NHSL1: variants seen among roughly 807,000 people sequenced by gnomAD.
The protein encoded by NHSL1 is NHS-like protein 1.
A neutral mutation model predicts 95.0 loss-of-function variants in NHSL1; 48 were observed. The observed-to-expected ratio is 0.51, with a 90% CI of 0.40 to 0.64. NHSL1 has a LOEUF of 0.64. Among genes scored for constraint, NHSL1 ranks in the 30% least tolerant of loss-of-function variants. The pLI, the probability that NHSL1 is intolerant of heterozygous loss-of-function variation, is 0.00. For missense variants in NHSL1, 1,971 were observed against 2,077.7 expected (o/e 0.95, Z 1.00); for synonymous variants, 783 against 833.9 (o/e 0.94, Z 1.05).
intron 1 of NHSL1, among the ~76,000 whole-genome samples, chr6:138,592,327 G>A (rs1423882997): frequency 1.3e-5 from 2 of 152,132 alleles, no homozygotes; most frequent in Non-Finnish European, 2.9e-5. Flanking sequence ...GGCCAGGCAC[G>A]GTAGCTCACA....
At chr6:138,483,778 G>T (rs1779562155) in intron 2 of NHSL1, among the ~76,000 whole-genome samples, 1 of 152,158 alleles carries the variant, frequency 6.6e-6, no homozygotes, top group Non-Finnish European at 1.5e-5. Context: ...TGGTTTCTAA[G>T]CCCTACATGA....
At chr6:138,651,403 TTCA>T (rs1785091429) in intron 1 of NHSL1, among the ~76,000 whole-genome samples, 1 of 152,242 alleles carries the variant, frequency 6.6e-6, no homozygotes, top group Admixed American at 6.5e-5. Context: ...GCAAGCTTCT[TTCA>T]TCAAGCCAAT....
chr6:138,432,748 C>T lies in NHSL1; in HGVS notation c.1597G>A (p.Val533Met), dbSNP rs565091445. ...NLAFPAHPQD[V>M]DGKSESSYSG... The stretch of plus-strand genomic sequence containing the variant: ...TAACTAGATTCACTCTTGCCATCCA[C>T]ATCTTGGGGGTGGGCTGGGAAGGCC... Residue 533 changes from valine (V) to methionine (M), a missense_variant, in exon 6 of 8, where the codon GTG becomes ATG. This residue lies in a region of NHSL1 where 1,602 missense variants were observed against 1,654.5 expected (regional missense o/e 0.97). Coordinates refer to ENST00000343505, the MANE Select transcript of NHSL1 (RefSeq NM_001144060.2). The surrounding 1 kb of genome is among the most constrained non-coding windows in gnomAD (Gnocchi z 4.4). 79 of 1,551,662 alleles carry T rather than the reference C, an allele frequency of 5.1e-5. No individual in the cohort carries two copies. The South Asian group carries it at 9.2e-4, about 18-fold the overall frequency.
Position 138,431,102 on chromosome 6 carries a change from C to T in NHSL1, c.3243G>A (p.Val1081=). ...EALQMVQLRP[V]RKNSGAEAAQ... The stretch of plus-strand genomic sequence containing the variant: ...CCGCCTCAGCGCCTGAGTTCTTTCT[C>T]ACGGGCCTCAACTGCACCATCTGCA... Residue 1081 remains valine, a synonymous_variant, in exon 6 of 8, where the codon GTG becomes GTA. Transcript: ENST00000343505. The surrounding 1 kb of genome is among the most constrained non-coding windows in gnomAD (Gnocchi z 4.0). 6.4e-7 allele frequency: 1 copy of T among 1,551,858 alleles called. No individual in the cohort carries two copies. The highest frequency in any genetic ancestry group is 1.2e-5 in the South Asian group (1 of 84,060).
intron 1 of NHSL1, among the ~76,000 whole-genome samples, chr6:138,510,363 A>G (rs9495102): frequency 0.049 from 7,413 of 152,322 alleles, 480 homozygotes; most frequent in African/African-American, 0.15. Context: ...ATGAACGAAC[A>G]GCAAGACCTA....
intron 1 of NHSL1, among the ~76,000 whole-genome samples, chr6:138,690,930 G>A (rs1785658182): frequency 6.6e-6 from 1 of 152,152 alleles, no homozygotes. Context: ...AGTAAAGGAA[G>A]GAGTTCTTGA....
intron 1 of NHSL1, among the ~76,000 whole-genome samples, chr6:138,582,194 G>T (rs187127916): frequency 1.3e-5 from 2 of 152,104 alleles, no homozygotes; most frequent in Admixed American, 1.3e-4. Context: ...ACTGTGCCTG[G>T]CCCAAAGTGG....
chr6:138,596,004 C>T (rs1784298553), intron 1 of NHSL1, among the ~76,000 whole-genome samples: 2 of 152,120 alleles, frequency 1.3e-5, no homozygotes, highest in Non-Finnish European at 2.9e-5. Context: ...GAAAAAAAGG[C>T]CATAAACCCT....
At chr6:138,638,727 G>A (rs951597934) in intron 1 of NHSL1, among the ~76,000 whole-genome samples, 3 of 152,162 alleles carry the variant, frequency 2.0e-5, no homozygotes, top group East Asian at 1.9e-4. Flanking sequence ...CAGAAAGCCC[G>A]CATAGGAGCT....
rs1775135660 is a variant in NHSL1 at position 138,424,633 on chromosome 6, C to G, written c.4269G>C (p.Leu1423=). The change falls in exon 8 of 8, where the codon CTG becomes CTC. Residue 1423 remains leucine (L), a synonymous_variant. Transcript: ENST00000343505. The surrounding 1 kb of genome is among the most constrained non-coding windows in gnomAD (Gnocchi z 5.9). ...STSSDNFKAL[L]LKKGSRSDTS... is the part of the protein sequence containing the mutation. Reference sequence around the variant, plus strand: ...TGTCTGAACGACTGCCCTTTTTCAGCAGCAGAGCTTTGAAGTTGTCACTGC... The same window carrying G: ...TGTCTGAACGACTGCCCTTTTTCAGGAGCAGAGCTTTGAAGTTGTCACTGC... The G allele has an allele frequency of 6.4e-7, 1 of 1,551,618 alleles. No homozygotes were observed. The highest frequency in any genetic ancestry group is 8.7e-7 in the Non-Finnish European group (1 of 1,146,988).
chr6:138,424,169 T>G lies in NHSL1; in HGVS notation c.4733A>C (p.Gln1578Pro). ...TGTCCCATCCACAGGGCCGGGGGCC[T>G]GGGGCTGCAGGGAGGCGGCAGGCCC... ...GEGPAASLQP[Q>P]APGPVDGTAS... The change falls in exon 8 of 8, where the codon CAG (glutamine) becomes CCG (proline). Residue 1578 changes from glutamine (Q) to proline (P), a missense_variant. Transcript: ENST00000343505. This position sits in a 1 kb window ranked among gnomAD's most constrained non-coding sequence, Gnocchi z 5.9. 2 of 1,460,028 alleles carry G rather than the reference T, an allele frequency of 1.4e-6. No individual in the cohort carries two copies. Among genetic ancestry groups the G allele is most frequent in the Non-Finnish European group, 1.8e-6 (2 of 1,110,042 alleles). The allele number at this position is 1,460,028 out of a possible 1,614,324, so 90.4% of individuals were successfully genotyped here.
intron 1 of NHSL1, among the ~76,000 whole-genome samples, chr6:138,505,897 T>C (rs1430416521): frequency 6.6e-6 from 1 of 152,168 alleles, no homozygotes; most frequent in Non-Finnish European, 1.5e-5. Context: ...TTTAGGGTGT[T>C]TTTAAAAATC....
intron 2 of NHSL1, among the ~76,000 whole-genome samples, chr6:138,488,878 T>C (rs1442661126): frequency 6.6e-6 from 1 of 152,182 alleles, no homozygotes; most frequent in Non-Finnish European, 1.5e-5. Flanking sequence ...CCAGGAACCC[T>C]TAACTTCTCT....
Position 138,473,404 on chromosome 6 carries a change from G to A in NHSL1, c.241C>T (p.Arg81Cys), listed in dbSNP as rs933625834. ...CCCTGAGAGTAGTACTGAGAACTGC[G>A]GTAGCCATCATGCCGCAACTTATCG... ...ECDKLRHDGY[R>C]SSQYYSQGPT... Residue 81 changes from arginine (R) to cysteine (C), a missense_variant, in exon 3 of 8, where the codon CGC becomes TGC. Physicochemically the swap from Arg to Cys is radical, Grantham distance 180. Around this residue, in one of 3 missense-constraint regions of NHSL1, gnomAD observed 1,602 missense variants for 1,654.5 expected, o/e 0.97. Transcript: ENST00000343505. 17 of 1,524,452 alleles carry A rather than the reference G, an allele frequency of 1.1e-5. No individual in the cohort carries two copies. The highest frequency in any genetic ancestry group is 1.5e-5 in the Non-Finnish European group (17 of 1,133,952). 94.4% of individuals were successfully genotyped at this position (1,524,452 alleles called of 1,614,324 possible). A position where few individuals can be genotyped will look rare whatever the true frequency, so the allele number is the denominator to read the frequency against.
At position 138,430,267 on chromosome 6, in the gene NHSL1, T is replaced by G; in HGVS notation, c.3952+126A>C. Reference sequence around the variant, plus strand: ...GTTTTAACACAGGAAGCCTACATACTGCTAGCTTTAACAGGAATCTGATCT... The same window carrying G: ...GTTTTAACACAGGAAGCCTACATACGGCTAGCTTTAACAGGAATCTGATCT... On this transcript the variant is annotated intron_variant, in intron 6 of 7. Coordinates refer to ENST00000343505, the MANE Select transcript of NHSL1 (RefSeq NM_001144060.2). This position sits in a 1 kb window ranked among gnomAD's most constrained non-coding sequence, Gnocchi z 4.7. 7.6e-7 allele frequency: 1 copy of G among 1,311,836 alleles called. No individual in the cohort carries two copies. The allele number at this position is 1,311,836 out of a possible 1,614,324, so 81.3% of individuals were successfully genotyped here.
At chr6:138,672,689 A>G (rs1389970719) in intron 1 of NHSL1, among the ~76,000 whole-genome samples, 1 of 152,220 alleles carries the variant, frequency 6.6e-6, no homozygotes, top group Non-Finnish European at 1.5e-5. Flanking sequence ...TATGTCTCCT[A>G]AAACATGAGA....
intron 1 of NHSL1, among the ~76,000 whole-genome samples, chr6:138,505,611 C>T (rs947018807): frequency 6.3e-5 from 9 of 142,432 alleles, no homozygotes; most frequent in Non-Finnish European, 1.2e-4. Context: ...GCTGAGATTG[C>T]GCCACTGCAC....
At chr6:138,692,944 CGCGGGCGA>C (rs947146050), upstream of NHSL1, among the ~76,000 whole-genome samples, 1 of 144,210 alleles carries the variant, frequency 6.9e-6, no homozygotes, top group Non-Finnish European at 1.5e-5. The surrounding 1 kb of genome is among the most constrained non-coding windows in gnomAD (Gnocchi z 4.0). Flanking sequence ...CGGACGGGCG[CGCGGGCGA>C]GCGGGCACCC....
At chr6:138,588,590 C>T (rs573453982) in intron 1 of NHSL1, among the ~76,000 whole-genome samples, 39 of 152,356 alleles carry the variant, frequency 2.6e-4, no homozygotes, top group African/African-American at 9.1e-4. Context: ...TATCTGTCTT[C>T]ACCACTGACT....
Sources: allele counts gnomAD v4.1 joint callset (sites outside exome capture counted in the v4.1 genomes callset), GRCh38; gene constraint gnomAD v4.1.1; regional missense constraint gnomAD v4.1.1; non-coding constraint Gnocchi (gnomAD v3.1); transcripts MANE v1.5; gene names NCBI Gene and HGNC (gene_info 2026-07-23, HGNC 2026-07-21).